AGPAT3: variants seen among roughly 807,000 people sequenced by gnomAD.
AGPAT3 encodes 1-acyl-sn-glycerol-3-phosphate acyltransferase gamma.
In AGPAT3, 5 loss-of-function variants were observed where a neutral mutation model predicts 47.3. The observed-to-expected ratio is 0.11, with a 90% CI of 0.06 to 0.22. The LOEUF is 0.22. Ranked by LOEUF, AGPAT3 falls within the 10% of genes least tolerant of loss-of-function variation. The pLI is 1.00. For synonymous variants in AGPAT3, 212 were observed against 208.3 expected (o/e 1.02, Z -0.15); for missense variants, 315 against 493.0 (o/e 0.64, Z 3.42).
intron 1 of AGPAT3, among the ~76,000 whole-genome samples, chr21:43,869,771 A>G (rs1201432656): frequency 6.6e-6 from 1 of 152,210 alleles, no homozygotes; most frequent in African/African-American, 2.4e-5. Context: ...TGTCTCAGCA[A>G]GGAGGCTGTG....
chr21:43,889,380 A>G (rs1332709221), intron 1 of AGPAT3, among the ~76,000 whole-genome samples: 1 of 151,980 alleles, frequency 6.6e-6, no homozygotes, highest in Non-Finnish European at 1.5e-5. Flanking sequence ...TTTAATCACA[A>G]TCATGATTGG....
In AGPAT3 at chr21:43,956,323, G is replaced by A. The variant is rs529306421; in HGVS notation, c.-48-3311G>A. ...GGGCGAGCACTGACTTCTGAGCCTC[G>A]CTATCTGGACTGGCACTGGCTCTAC... On this transcript the variant is annotated intron_variant, in intron 2 of 9. Coordinates refer to ENST00000291572, the MANE Select transcript of AGPAT3 (RefSeq NM_020132.5). Among the ~76,000 whole-genome samples the A allele has an allele frequency of 1.2e-4, 19 of 152,278 alleles. No individual in the cohort carries two copies. In the South Asian group the frequency reaches 3.3e-3, roughly 27 times the overall value.
intron 2 of AGPAT3, among the ~76,000 whole-genome samples, chr21:43,957,695 T>G (rs2088553787): frequency 7.2e-6 from 1 of 138,010 alleles, no homozygotes; most frequent in Non-Finnish European, 1.5e-5. Flanking sequence ...CAGGGGGGTC[T>G]CGGGTTTCCC....
At chr21:43,964,417 A>G (rs2089025549) in intron 3 of AGPAT3, among the ~76,000 whole-genome samples, 1 of 150,500 alleles carries the variant, frequency 6.6e-6, no homozygotes, top group Non-Finnish European at 1.5e-5. Flanking sequence ...ACTGGTCTCA[A>G]ACTCCTGACC....
chr21:43,966,036 G>A (rs2089107085), intron 3 of AGPAT3: 1 of 152,270 alleles, frequency 6.6e-6, no homozygotes, highest in Admixed American at 6.5e-5. Context: ...ATCGGGCCCA[G>A]GCGCCGCCCA....
chr21:43,938,956 G>C (rs2087547774), intron 2 of AGPAT3, among the ~76,000 whole-genome samples: 1 of 152,166 alleles, frequency 6.6e-6, no homozygotes, highest in African/African-American at 2.4e-5. Flanking sequence ...TCCTCCACCA[G>C]GTTCACAGGT....
intron 8 of AGPAT3, among the ~76,000 whole-genome samples, chr21:43,980,651 G>A (rs997161247): frequency 1.4e-4 from 22 of 152,258 alleles, no homozygotes; most frequent in African/African-American, 3.6e-4. Context: ...ACTGCCTCTG[G>A]CTCGTGGGAG....
intron 2 of AGPAT3, among the ~76,000 whole-genome samples, chr21:43,944,382 G>A (rs2146405082): frequency 6.6e-6 from 1 of 152,368 alleles, no homozygotes; most frequent in East Asian, 1.9e-4. Flanking sequence ...GAGAGAGAGG[G>A]AAGGTAACAG....
chr21:43,928,139 G>A (rs926357001), intron 2 of AGPAT3, among the ~76,000 whole-genome samples: 1 of 152,198 alleles, frequency 6.6e-6, no homozygotes. Context: ...ACCGGAAGCT[G>A]TGATCCTTGC....
intron 2 of AGPAT3, among the ~76,000 whole-genome samples, chr21:43,928,194 G>A (rs2087120316): frequency 6.6e-6 from 1 of 152,230 alleles, no homozygotes; most frequent in African/African-American, 2.4e-5. Context: ...GACGGTTTCA[G>A]GCAGGCCAAG....
At chr21:43,875,242 C>A (rs939928667) in intron 1 of AGPAT3, among the ~76,000 whole-genome samples, 5 of 152,106 alleles carry the variant, frequency 3.3e-5, no homozygotes, top group Non-Finnish European at 7.4e-5. Context: ...GCCTCCCTCC[C>A]GTGTATTTTT....
At chr21:43,959,929 G>A in intron 3 of AGPAT3, 70 bp downstream of exon 3, 2 of 1,467,580 alleles carry the variant, frequency 1.4e-6, no homozygotes, top group Non-Finnish European at 1.8e-6. Context: ...CATGCACGGG[G>A]CAGCCGTGGG....
chr21:43,923,852 A>G (rs2086970150), intron 2 of AGPAT3, among the ~76,000 whole-genome samples: 1 of 152,076 alleles, frequency 6.6e-6, no homozygotes, highest in East Asian at 1.9e-4. Flanking sequence ...CCATTGTACA[A>G]GAGTTTTGAG....
At chr21:43,962,355 G>T (rs2088916371) in intron 3 of AGPAT3, among the ~76,000 whole-genome samples, 1 of 152,118 alleles carries the variant, frequency 6.6e-6, no homozygotes. Flanking sequence ...TGGGAAGGGA[G>T]AATTGGAAAT....
At chr21:43,946,275 T>C (rs2087884495) in intron 2 of AGPAT3, among the ~76,000 whole-genome samples, 1 of 152,166 alleles carries the variant, frequency 6.6e-6, no homozygotes, top group Admixed American at 6.5e-5. Context: ...TTCCACCTCC[T>C]ACATAACTTT....
At chr21:43,918,894 A>G (rs1189378008) in intron 2 of AGPAT3, among the ~76,000 whole-genome samples, 1 of 152,128 alleles carries the variant, frequency 6.6e-6, no homozygotes, top group Non-Finnish European at 1.5e-5. Flanking sequence ...AAATTTTTAA[A>G]TGCTGTTTAT....
Position 43,954,180 on chromosome 21 carries a change from G to A in AGPAT3, c.-48-5454G>A, listed in dbSNP as rs1159061233. ...GCCAGCCCAAAGGACTTTGAAGCTG[G>A]AGGCGGGGACCGGTGTGGCCAAGCA... is the stretch of plus-strand genomic sequence containing the variant. On this transcript the variant is annotated intron_variant, in intron 2 of 9. Coordinates refer to ENST00000291572, the MANE Select transcript of AGPAT3 (RefSeq NM_020132.5). This position sits in a 1 kb window ranked among gnomAD's most constrained non-coding sequence, Gnocchi z 4.0. Among the ~76,000 whole-genome samples, 1 of 152,234 alleles carries A rather than the reference G, an allele frequency of 6.6e-6. No homozygotes were observed. Among genetic ancestry groups the A allele is most frequent in the East Asian group, 1.9e-4 (1 of 5,198 alleles).
chr21:43,888,234 C>T (rs1033645735), intron 1 of AGPAT3, among the ~76,000 whole-genome samples: 8 of 151,938 alleles, frequency 5.3e-5, no homozygotes, highest in Non-Finnish European at 1.0e-4. Flanking sequence ...GAGATGGGGT[C>T]TCAGTATATT....
chr21:43,924,754 T>G (rs1303726794), intron 2 of AGPAT3, among the ~76,000 whole-genome samples: 1 of 152,204 alleles, frequency 6.6e-6, no homozygotes, highest in Non-Finnish European at 1.5e-5. Context: ...GGGCTTTTCT[T>G]TTGAAGACTC....
Sources: allele counts gnomAD v4.1 joint callset (sites outside exome capture counted in the v4.1 genomes callset), GRCh38; gene constraint gnomAD v4.1.1; non-coding constraint Gnocchi (gnomAD v3.1); transcripts MANE v1.5; gene names NCBI Gene and HGNC (gene_info 2026-07-23, HGNC 2026-07-21).